Variants in CIZ1 observed in about 807,000 individuals in gnomAD.
CIZ1 encodes cip1-interacting zinc finger protein.
CIZ1 carries 58 observed loss-of-function variants against 118.6 expected under a neutral mutation model. The observed-to-expected ratio is 0.49, with a 90% confidence interval of 0.40 to 0.61. CIZ1 has a LOEUF of 0.61. Among genes scored for constraint, CIZ1 ranks in the 20% least tolerant of loss-of-function variants. The pLI is 0.00. For missense variants in CIZ1, 921 were observed against 1,115.9 expected, an observed-to-expected ratio of 0.83 and a Z score of 2.49; for synonymous variants, 448 against 443.4, an observed-to-expected ratio of 1.01 and a Z score of -0.13.
chr9:128,166,336 C>G lies in CIZ1; in HGVS notation c.2558G>C (p.Arg853Pro). 6.4e-7 allele frequency: 1 copy of G among 1,565,652 alleles called. No individual in the cohort carries two copies. ...GGTGAACAGGGCTGTCAAAGCGTTC[C>G]GGGCGTTGATTGCGCACCGGCGGCT... is the stretch of plus-strand genomic sequence containing the variant. ...PVSRRCAINARNALTALFTSS... is the reference protein window; with the variant it reads ...PVSRRCAINAPNALTALFTSS... Residue 853 changes from arginine to proline, a missense_variant, in exon 17 of 17, where the codon CGG becomes CCG. Physicochemically the swap from Arg to Pro is moderately radical, Grantham distance 103. Transcript: ENST00000372938. This position sits in a 1 kb window ranked among gnomAD's most constrained non-coding sequence, Gnocchi z 4.4.
upstream of CIZ1, among the ~76,000 whole-genome samples, chr9:128,195,840 C>A (rs921355208): frequency 1.3e-5 from 2 of 151,954 alleles, no homozygotes; most frequent in Non-Finnish European, 1.5e-5. Flanking sequence ...TCAAACCTTC[C>A]CCAGCCTCTG....
At position 128,178,946 on chromosome 9, in the gene CIZ1, G is replaced by GCTGCAC; in HGVS notation, c.1255_1260dup (p.Val419_Gln420dup). 5 of 1,613,708 alleles carry GCTGCAC rather than the reference G, an allele frequency of 3.1e-6. No homozygotes were observed. The highest frequency in any genetic ancestry group is 4.2e-6 in the Non-Finnish European group (5 of 1,179,978). On this transcript the variant is annotated inframe_insertion, in exon 8 of 17. Coordinates refer to ENST00000372938, the MANE Select transcript of CIZ1 (RefSeq NM_001131016.2). Reference sequence around the variant, plus strand: ...GTCTGGACCTGCTTCTGCAGCTGCAGCTGCACCTGCCTTGGGGGCTGTGAA... The same window carrying GCTGCAC: ...GTCTGGACCTGCTTCTGCAGCTGCAGCTGCACCTGCACCTGCCTTGGGGGCTGTGAA...
rs539693129 is a variant in CIZ1, at chr9:128,191,019, C to G, written c.-5-157G>C. Among the ~76,000 whole-genome samples, 1 of 152,238 alleles carries G rather than the reference C, an allele frequency of 6.6e-6. No homozygotes were observed. ...TCCTGCCAAGAGCCTGCCACACTCGCTTGGCCCATCCTTCCAAGTTACCTC... is the reference window on the plus strand; with the variant it reads ...TCCTGCCAAGAGCCTGCCACACTCGGTTGGCCCATCCTTCCAAGTTACCTC... On this transcript the variant is annotated intron_variant, in intron 1 of 16. Coordinates refer to ENST00000372938, the MANE Select transcript of CIZ1 (RefSeq NM_001131016.2). The surrounding 1 kb of genome is among the most constrained non-coding windows in gnomAD (Gnocchi z 5.5).
chr9:128,187,957 T>C, intron 3 of CIZ1, 23 bp from the exon 4 acceptor site: 1 of 706,374 alleles, frequency 1.4e-6, no homozygotes, highest in Non-Finnish European at 2.6e-6. Flanking sequence ...AATTCGGCAA[T>C]ACTTATCAAG....
In CIZ1 at chr9:128,203,524, C is replaced by T. The variant is rs2131061036; in HGVS notation, c.-6+662G>A. The T allele has an allele frequency of 9.1e-6, 14 of 1,542,724 alleles. No individual in the cohort carries two copies. Among genetic ancestry groups the T allele is most frequent in the Non-Finnish European group, 1.2e-5 (14 of 1,147,880 alleles). On this transcript the variant is annotated intron_variant, in intron 1 of 17. Transcript: ENST00000372948. The surrounding 1 kb of genome is among the most constrained non-coding windows in gnomAD (Gnocchi z 5.3). The stretch of plus-strand genomic sequence containing the variant: ...TCCCGCTGGTCAACCGGCTGCAAGA[C>T]GCCTTCTCTGCCATCGGCCAGAACG...
intron 5 of CIZ1, among the ~76,000 whole-genome samples, chr9:128,182,427 C>T (rs1276519857): frequency 6.6e-6 from 1 of 152,200 alleles, no homozygotes; most frequent in Non-Finnish European, 1.5e-5. Flanking sequence ...AGGCGTGAGC[C>T]ACCACACCTG....
chr9:128,200,170 A>G (rs1413305786), intron 1 of CIZ1: 1 of 152,016 alleles, frequency 6.6e-6, no homozygotes, highest in Non-Finnish European at 1.5e-5. Context: ...TAGGATACTT[A>G]GTATAATCCC....
Position 128,177,746 on chromosome 9 carries a change from G to A in CIZ1, c.1638C>T (p.Gly546=). 1 of 1,598,496 alleles carries A rather than the reference G, an allele frequency of 6.3e-7. No homozygotes were observed. The highest frequency in any genetic ancestry group is 8.5e-7 in the Non-Finnish European group (1 of 1,172,940). The change falls in exon 10 of 17, where the codon GGC becomes GGT. Residue 546 remains glycine, a synonymous_variant. Transcript: ENST00000372938. The part of the protein sequence containing the change: ...REMPGVWGAG[G]SLKVTILQSS... ...TCTGCAGAATGGTGACCTTCAGGGA[G>A]CCCCCGGCGCCCCATACCTGCATGG... is the stretch of plus-strand genomic sequence containing the variant.
intron 14 of CIZ1, among the ~76,000 whole-genome samples, chr9:128,168,517 A>G (rs529757533): frequency 2.8e-5 from 4 of 144,648 alleles, no homozygotes; most frequent in Admixed American, 6.8e-5. Context: ...CTCCGTCTTG[A>G]AAAAAAAAAA....
chr9:128,200,455 T>C (rs1258239598), intron 1 of CIZ1, among the ~76,000 whole-genome samples: 7 of 150,866 alleles, frequency 4.6e-5, no homozygotes, highest in African/African-American at 1.7e-4. Context: ...GTCAGGAGTT[T>C]GAGACCAGCC....
Position 128,178,881 on chromosome 9 carries a change from G to A in CIZ1, c.1326C>T (p.Ser442=), listed in dbSNP as rs775419987. The change falls in exon 8 of 17, where the codon AGC becomes AGT. Residue 442 remains serine (S), a synonymous_variant. Transcript: ENST00000372938. ...CTGGAGGATGCTCCTGTGGCTGGAC[G>A]CTTGGCTGTGCCTGTGTGTGGACCT... is the stretch of plus-strand genomic sequence containing the variant. ...YPQVHTQAQP[S]VQPQEHPPAQ... 4.0e-5 allele frequency: 64 copies of A among 1,614,062 alleles called. No individual in the cohort carries two copies. In the East Asian group the frequency reaches 7.4e-4, roughly 19 times the overall value.
At chr9:128,182,593 A>C (rs776064046) in intron 5 of CIZ1, among the ~76,000 whole-genome samples, 14 of 151,932 alleles carry the variant, frequency 9.2e-5, no homozygotes, top group Non-Finnish European at 1.8e-4. Context: ...GGGCCTCTGC[A>C]CACTACCTGC....
intron 13 of CIZ1, 82 bp downstream of exon 13, chr9:128,169,324 G>T: frequency 6.8e-7 from 1 of 1,460,358 alleles, no homozygotes; most frequent in Non-Finnish European, 9.6e-7. Flanking sequence ...TTTGGGCTGG[G>T]ATAAACCTCA....
At chr9:128,184,635 G>A (rs928165629) in intron 5 of CIZ1, among the ~76,000 whole-genome samples, 5 of 151,650 alleles carry the variant, frequency 3.3e-5, no homozygotes, top group African/African-American at 1.2e-4. Flanking sequence ...TGGGATTACA[G>A]GCATGCACTA....
At chr9:128,177,306 T>A (rs1032681985) in intron 10 of CIZ1, among the ~76,000 whole-genome samples, 1 of 152,168 alleles carries the variant, frequency 6.6e-6, no homozygotes, top group Non-Finnish European at 1.5e-5. Context: ...AAAAACCTGC[T>A]TGAGCCCAAG....
chr9:128,198,553 G>A (rs767565596), intron 1 of CIZ1, among the ~76,000 whole-genome samples: 19 of 152,148 alleles, frequency 1.2e-4, no homozygotes, highest in Non-Finnish European at 2.6e-4. Context: ...TCGTGTTTTG[G>A]CCAGGCACGG....
chr9:128,191,876 C>G, upstream of CIZ1: 1 of 1,457,318 alleles, frequency 6.9e-7, no homozygotes. The surrounding 1 kb of genome is among the most constrained non-coding windows in gnomAD (Gnocchi z 5.5). Flanking sequence ...CGCCGCGGTC[C>G]TGCGATCCTG....
intron 5 of CIZ1, among the ~76,000 whole-genome samples, chr9:128,182,887 GT>G (rs1156568482): frequency 6.6e-6 from 1 of 151,950 alleles, no homozygotes; most frequent in Non-Finnish European, 1.5e-5. Flanking sequence ...GCCTTCCATA[GT>G]GCTGGGATTA....
At chr9:128,179,819 T>A (rs2130960573) in intron 7 of CIZ1, among the ~76,000 whole-genome samples, 1 of 152,152 alleles carries the variant, frequency 6.6e-6, no homozygotes, top group East Asian at 1.9e-4. Flanking sequence ...ATTACAGACA[T>A]GCGCCACCAC....
Sources: allele counts gnomAD v4.1 joint callset (sites outside exome capture counted in the v4.1 genomes callset), GRCh38; gene constraint gnomAD v4.1.1; non-coding constraint Gnocchi (gnomAD v3.1); transcripts MANE v1.5; gene names NCBI Gene and HGNC (gene_info 2026-07-23, HGNC 2026-07-21).